The following AKAP1 variants were observed in gnomAD, a reference collection of about 807,000 sequenced individuals.
The protein encoded by AKAP1 is A-kinase anchoring protein 1.
A neutral mutation model predicts 79.8 loss-of-function variants in AKAP1; 32 were observed. The observed-to-expected ratio is 0.40, with a 90% CI of 0.30 to 0.54. The LOEUF is 0.54. Ranked by LOEUF, AKAP1 falls within the 20% of genes least tolerant of loss-of-function variation. The probability of loss-of-function intolerance (pLI) is 0.47; values close to 1 mark genes in which losing one functional copy is unlikely to be tolerated. For missense variants in AKAP1, 961 were observed against 1,138.9 expected, an observed-to-expected ratio of 0.84 and a Z score of 2.25; for synonymous variants, 416 against 466.7, an observed-to-expected ratio of 0.89 and a Z score of 1.40.
chr17:57,103,355 T>G (rs1230352886), intron 1 of AKAP1, among the ~76,000 whole-genome samples: 1 of 152,104 alleles, frequency 6.6e-6, no homozygotes, highest in African/African-American at 2.4e-5. Context: ...AACTGTAAGG[T>G]CCTTCTCAAT....
At position 57,106,339 on chromosome 17, in the gene AKAP1, A is replaced by G. The variant is rs1433786331; in HGVS notation, c.875A>G (p.Asp292Gly). 1.2e-6 allele frequency: 2 copies of G among 1,614,126 alleles called. No individual in the cohort carries two copies. The highest frequency in any genetic ancestry group is 2.2e-5 in the South Asian group (2 of 91,086). ...DDAAPAPPVA[D>G]AKAQDRGVEG... ...GCGGCGCCAGCACCCCCAGTCGCAG[A>G]CGCCAAAGCCCAGGATAGAGGTGTC... is the stretch of plus-strand genomic sequence containing the variant. Residue 292 changes from aspartate to glycine, a missense_variant, in exon 2 of 11, where the codon GAC (aspartate) becomes GGC (glycine). Coordinates refer to ENST00000337714, the MANE Select transcript of AKAP1 (RefSeq NM_003488.4).
At chr17:57,116,010 G>A in intron 6 of AKAP1, 101 bp from the exon 7 acceptor site, 1 of 1,398,370 alleles carries the variant, frequency 7.2e-7, no homozygotes, top group South Asian at 1.3e-5. Flanking sequence ...GGAGGTTGCA[G>A]GCCTCTGAGA....
At chr17:57,115,986 G>A in intron 6 of AKAP1, 125 bp from the exon 7 acceptor site, 1 of 1,154,596 alleles carries the variant, frequency 8.7e-7, no homozygotes, top group Non-Finnish European at 1.2e-6. Context: ...TGCTGTTCCT[G>A]TCCCCTGCAC....
chr17:57,119,830 C>CTTTTTTTTTTTCTTTTT (rs1915811443), intron 10 of AKAP1, among the ~76,000 whole-genome samples: 1 of 70,290 alleles, frequency 1.4e-5, no homozygotes, highest in African/African-American at 6.6e-5. Flanking sequence ...CCCTGTTACT[C>CTTTTTTTTTTTCTTTTT]TTTTTTTTTT....
intron 1 of AKAP1, among the ~76,000 whole-genome samples, chr17:57,104,905 A>G (rs1205087561): frequency 1.3e-5 from 2 of 152,208 alleles, no homozygotes; most frequent in Non-Finnish European, 2.9e-5. Context: ...CTCCTTAGCC[A>G]TTGGGAATTT....
rs1915889665 is a variant in AKAP1 at position 57,120,987 on chromosome 17, CTG to C, written c.*665_*666del. 1 of 152,662 alleles carries C rather than the reference CTG, an allele frequency of 6.6e-6. No individual in the cohort carries two copies. Among genetic ancestry groups the C allele is most frequent in the Admixed American group, 6.5e-5 (1 of 15,284 alleles). The allele number at this position is 152,662 out of a possible 1,614,324, so 9.5% of individuals were successfully genotyped here. A position where few individuals can be genotyped will look rare whatever the true frequency, so the allele number is the denominator to read the frequency against. ...TAACCATTTTCTATTTGTGCAAACT[CTG>C]TAAATATGTGTTTAAACAAATGTAA... On this transcript the variant is annotated 3_prime_UTR_variant, in exon 11 of 11. Transcript: ENST00000337714.
At chr17:57,100,162 TTAGGA>T (rs1914401390) in intron 1 of AKAP1, among the ~76,000 whole-genome samples, 1 of 152,156 alleles carries the variant, frequency 6.6e-6, no homozygotes, top group Non-Finnish European at 1.5e-5. Context: ...GGGGTAGCTG[TTAGGA>T]TTGTTTTTCT....
chr17:57,107,133 G>T lies in AKAP1; in HGVS notation c.1669G>T (p.Ala557Ser), dbSNP rs141130461. 460 of 1,613,742 alleles carry T rather than the reference G, an allele frequency of 2.9e-4. No individual in the cohort carries two copies. The highest frequency in any genetic ancestry group is 3.2e-4 in the Non-Finnish European group (373 of 1,179,720). The change falls in exon 2 of 11, where the codon GCT becomes TCT. Residue 557 changes from alanine to serine, a missense_variant. Ala to Ser is a moderately conservative substitution (Grantham distance 99, BLOSUM62 1). Around this residue, in one of 3 missense-constraint regions of AKAP1, gnomAD observed 629 missense variants for 781.1 expected, o/e 0.81. Transcript: ENST00000337714. Reference protein sequence around the residue: ...VLKGELSDLGAEDGWTMDAEA... With the variant: ...VLKGELSDLGSEDGWTMDAEA... Reference sequence around the variant, plus strand: ...GAAGGGGGAGTTGTCAGACTTGGGGGCTGAGGATGGATGGACCATGGATGC... The same window carrying T: ...GAAGGGGGAGTTGTCAGACTTGGGGTCTGAGGATGGATGGACCATGGATGC...
rs1734888110 is a variant in AKAP1, at chr17:57,086,003, G to C, written c.-25+605G>C. 1 of 185,094 alleles carries C rather than the reference G, an allele frequency of 5.4e-6. No individual in the cohort carries two copies. 11.5% of individuals were successfully genotyped at this position (185,094 alleles called of 1,614,324 possible). A position where few individuals can be genotyped will look rare whatever the true frequency, so the allele number is the denominator to read the frequency against. On this transcript the variant is annotated intron_variant, in intron 1 of 10. Transcript: ENST00000337714. The surrounding 1 kb of genome is among the most constrained non-coding windows in gnomAD (Gnocchi z 5.1). Reference sequence around the variant, plus strand: ...GCCAGGGGAACTGGGAAGATGGGCCGGGACATCGGCCGGTTGTGATCCAAC... The same window carrying C: ...GCCAGGGGAACTGGGAAGATGGGCCCGGACATCGGCCGGTTGTGATCCAAC...
At chr17:57,107,944 A>G (rs1490260041) in intron 2 of AKAP1, 1 of 1,289,468 alleles carries the variant, frequency 7.8e-7, no homozygotes, top group East Asian at 5.6e-5. Flanking sequence ...CTTTCTGTGC[A>G]GTTGCAGCTC....
chr17:57,092,390 A>G (rs1913837359), intron 1 of AKAP1: 2 of 152,212 alleles, frequency 1.3e-5, no homozygotes, highest in African/African-American at 2.4e-5. Context: ...TGTTTTTTGC[A>G]AAGTCTGATT....
At chr17:57,101,132 AC>A (rs1475894519) in intron 1 of AKAP1, among the ~76,000 whole-genome samples, 3 of 152,262 alleles carry the variant, frequency 2.0e-5, no homozygotes, top group Admixed American at 6.5e-5. Flanking sequence ...ACAATTGAAC[AC>A]AAAGCAAATA....
rs763295411 is a variant in AKAP1 at position 57,114,616 on chromosome 17, C to T, written c.2261C>T (p.Thr754Ile). 1.9e-6 allele frequency: 3 copies of T among 1,614,058 alleles called. No homozygotes were observed. Among genetic ancestry groups the T allele is most frequent in the Admixed American group, 3.3e-5 (2 of 60,002 alleles). ...TGTTACTCTCAGCCTGGAATCCCCA[C>T]CTTGCCCACCCCAGTGGAAAGTAAG... Reference protein sequence around the residue: ...YLCYSQPGIPTLPTPVEITVI... With the variant: ...YLCYSQPGIPILPTPVEITVI... The change falls in exon 6 of 11, where the codon ACC becomes ATC. Residue 754 changes from threonine to isoleucine, a missense_variant. Around this residue, in one of 3 missense-constraint regions of AKAP1, gnomAD observed 629 missense variants for 781.1 expected, o/e 0.81. Coordinates refer to ENST00000337714, the MANE Select transcript of AKAP1 (RefSeq NM_003488.4).
intron 1 of AKAP1, chr17:57,101,627 G>A (rs959911008): frequency 1.3e-5 from 2 of 152,188 alleles, no homozygotes; most frequent in African/African-American, 4.8e-5. Context: ...GCTTTTAAAA[G>A]CTTACCAGAT....
Position 57,116,920 on chromosome 17 carries a change from C to A in AKAP1, c.2493C>A (p.Pro831=). The A allele has an allele frequency of 6.8e-6, 11 of 1,614,034 alleles. No individual in the cohort carries two copies. Among genetic ancestry groups the A allele is most frequent in the Non-Finnish European group, 8.5e-6 (10 of 1,179,908 alleles). Residue 831 remains proline (P), a synonymous_variant, in exon 8 of 11, where the codon CCC becomes CCA. Coordinates refer to ENST00000337714, the MANE Select transcript of AKAP1 (RefSeq NM_003488.4). ...AAGTCCTTCTGGACAGTGTGATGCC[C>A]CTGTCAGGTAACAGCTGAGGCCTTT... ...GAEVLLDSVM[P]LSDDDQFSPE...
chr17:57,106,133 G>A lies in AKAP1; in HGVS notation c.669G>A (p.Glu223=), dbSNP rs147454383. ...TTGAAGAAGCTCTGTTGTCTCGGGA[G>A]CATGTCTTGGAATTGGAGAACAGCA... ...KVLEEALLSR[E]HVLELENSKG... Residue 223 remains glutamate, a synonymous_variant, in exon 2 of 11, where the codon GAG becomes GAA. Coordinates refer to ENST00000337714, the MANE Select transcript of AKAP1 (RefSeq NM_003488.4). The A allele has an allele frequency of 8.4e-5, 135 of 1,608,998 alleles. 2 individuals carry two copies. The highest frequency in any genetic ancestry group is 8.3e-4 in the Middle Eastern group (5 of 6,030).
intron 1 of AKAP1, chr17:57,085,605 G>C (rs893923006): frequency 5.9e-5 from 9 of 152,532 alleles, no homozygotes; most frequent in African/African-American, 2.2e-4. Context: ...TCCCTCGTCT[G>C]CGCCCCCTCT....
intron 9 of AKAP1, 54 bp from the exon 10 acceptor site, chr17:57,118,928 T>G: frequency 6.4e-7 from 1 of 1,570,556 alleles, no homozygotes; most frequent in Non-Finnish European, 8.8e-7. Context: ...AAGATGATAT[T>G]TGAGTGGGGA....
chr17:57,093,553 G>A (rs534577015), intron 1 of AKAP1: 1 of 152,232 alleles, frequency 6.6e-6, no homozygotes, highest in South Asian at 2.1e-4. Context: ...AATTATTATA[G>A]GAAAATAAGG....
Sources: gnomAD v4.1 joint callset for allele counts (sites outside exome capture counted in the v4.1 genomes callset) on GRCh38, gnomAD v4.1.1 for gene constraint, gnomAD v4.1.1 regional missense constraint, Gnocchi (gnomAD v3.1) non-coding constraint, MANE v1.5 for transcripts, NCBI Gene and HGNC (gene_info 2026-07-23, HGNC 2026-07-21) for gene names.